Variants in KLHL1 observed in about 807,000 individuals in gnomAD.
KLHL1 encodes the protein kelch like family member 1, also known as kelch-like protein 1.
Under a neutral mutation model 77.7 loss-of-function variants are expected in KLHL1, and 47 were observed. That is an observed-to-expected ratio of 0.60 (90% CI 0.48 to 0.77). The LOEUF is 0.77. Ranked by LOEUF, KLHL1 falls within the 30% of genes least tolerant of loss-of-function variation. The probability of loss-of-function intolerance (pLI) is 0.00; values close to 1 mark genes in which losing one functional copy is unlikely to be tolerated. For missense variants in KLHL1, 925 were observed against 910.8 expected, an observed-to-expected ratio of 1.02 and a Z score of -0.20; for synonymous variants, 360 against 325.2, an observed-to-expected ratio of 1.11 and a Z score of -1.15.
At chr13:69,770,315 G>A (rs1160890998) in intron 7 of KLHL1, among the ~76,000 whole-genome samples, 2 of 152,220 alleles carry the variant, frequency 1.3e-5, no homozygotes, top group East Asian at 3.9e-4. Context: ...GCCCGAGTGG[G>A]CAGAGTGAGC....
chr13:69,832,811 C>T (rs1442589819), intron 6 of KLHL1, among the ~76,000 whole-genome samples: 2 of 152,104 alleles, frequency 1.3e-5, no homozygotes, highest in African/African-American at 4.8e-5. Flanking sequence ...CAAATAGTTA[C>T]AGCCAACTGA....
At chr13:69,883,360 A>G (rs1165891891) in intron 4 of KLHL1, among the ~76,000 whole-genome samples, 3 of 152,092 alleles carry the variant, frequency 2.0e-5, no homozygotes, top group Non-Finnish European at 4.4e-5. Flanking sequence ...TACTTACTCC[A>G]TTACTTAAAA....
intron 1 of KLHL1, among the ~76,000 whole-genome samples, chr13:70,003,978 A>T (rs1029849905): frequency 5.3e-5 from 8 of 151,864 alleles, no homozygotes; most frequent in Admixed American, 2.0e-4. Context: ...CTGAAGGTCA[A>T]TGTATATTTG....
At chr13:70,006,080 A>T (rs1040868072) in intron 1 of KLHL1, among the ~76,000 whole-genome samples, 9 of 152,048 alleles carry the variant, frequency 5.9e-5, no homozygotes, top group Non-Finnish European at 1.0e-4. Flanking sequence ...TGACTATTTT[A>T]GATTCATCAT....
chr13:69,998,342 AC>A (rs2137322184), intron 1 of KLHL1, among the ~76,000 whole-genome samples: 1 of 151,850 alleles, frequency 6.6e-6, no homozygotes, highest in South Asian at 2.1e-4. Context: ...ATTAGAGCTC[AC>A]ACAATGGGAG....
rs374153656 is a variant in KLHL1, at chr13:70,017,728, T to G, written c.498-41926A>C. 1.5e-4 allele frequency among the ~76,000 whole-genome samples: 23 copies of G among 152,152 alleles called. No individual in the cohort carries two copies. In the South Asian group the frequency reaches 4.8e-3, roughly 32 times the overall value. ...TATCACGAGCACAAAATCCTAATGT[T>G]AAAAAGCAAAGAAAGCAGAAGTCAA... On this transcript the variant is annotated intron_variant, in intron 1 of 10. Coordinates refer to ENST00000377844, the MANE Select transcript of KLHL1 (RefSeq NM_020866.3).
rs1016013742 is a variant in KLHL1 at position 69,731,113 on chromosome 13, A to C, written c.1802+9281T>G. Among the ~76,000 whole-genome samples, 12 of 152,180 alleles carry C rather than the reference A, an allele frequency of 7.9e-5. 1 individual carries two copies. Among genetic ancestry groups the C allele is most frequent in the African/African-American group, 2.9e-4 (12 of 41,446 alleles). On this transcript the variant is annotated intron_variant, in intron 8 of 10. Transcript: ENST00000377844. ...ATAAATGTATATATTTACATGTTACACAAATTGGTGTTAATAAAATGTGTG... is the reference window on the plus strand; with the variant it reads ...ATAAATGTATATATTTACATGTTACCCAAATTGGTGTTAATAAAATGTGTG...
At chr13:69,719,657 A>G in intron 8 of KLHL1, 76 bp from the exon 9 acceptor site, 1 of 1,136,054 alleles carries the variant, frequency 8.8e-7, no homozygotes, top group Non-Finnish European at 1.3e-6. Flanking sequence ...CCTTTAAAAT[A>G]AATTTTCACA....
chr13:69,745,645 T>G (rs1400328924), intron 7 of KLHL1, among the ~76,000 whole-genome samples: 1 of 151,880 alleles, frequency 6.6e-6, no homozygotes, highest in Non-Finnish European at 1.5e-5. Context: ...GGATTAAATA[T>G]AAAAATTAAA....
At chr13:69,845,158 A>C (rs1879410412) in intron 5 of KLHL1, among the ~76,000 whole-genome samples, 1 of 151,670 alleles carries the variant, frequency 6.6e-6, no homozygotes, top group Admixed American at 6.6e-5. Context: ...ACCCAGGCCA[A>C]GCTCTGGAAT....
intron 7 of KLHL1, among the ~76,000 whole-genome samples, chr13:69,774,347 A>AT (rs1875719979): frequency 1.3e-5 from 2 of 152,122 alleles, no homozygotes; most frequent in Admixed American, 1.3e-4. Context: ...ATTGTGATTG[A>AT]TTTTAACTTG....
At chr13:70,017,953 GAAACGTGA>G (rs1885699573) in intron 1 of KLHL1, among the ~76,000 whole-genome samples, 1 of 152,016 alleles carries the variant, frequency 6.6e-6, no homozygotes, top group Non-Finnish European at 1.5e-5. Flanking sequence ...AAAGGTTAAA[GAAACGTGA>G]AAATAAGCGC....
At chr13:69,720,302 A>G (rs537097402) in intron 8 of KLHL1, among the ~76,000 whole-genome samples, 2 of 152,262 alleles carry the variant, frequency 1.3e-5, no homozygotes, top group East Asian at 3.9e-4. Flanking sequence ...TAATCCTAAT[A>G]AAATAGTCCT....
chr13:69,804,951 A>G (rs953629074), intron 6 of KLHL1, among the ~76,000 whole-genome samples: 7 of 152,144 alleles, frequency 4.6e-5, no homozygotes, highest in African/African-American at 1.7e-4. Context: ...ACATCATTAT[A>G]AAGAATTACT....
chr13:69,870,032 T>C (rs1880520533), intron 5 of KLHL1, among the ~76,000 whole-genome samples: 1 of 152,170 alleles, frequency 6.6e-6, no homozygotes, highest in South Asian at 2.1e-4. Flanking sequence ...GTTTTAGACA[T>C]TATAAAAATG....
chr13:69,962,639 A>G (rs948530333), intron 2 of KLHL1, among the ~76,000 whole-genome samples: 14 of 152,014 alleles, frequency 9.2e-5, no homozygotes, highest in Admixed American at 2.0e-4. Context: ...CAATTTTTAT[A>G]TTTGTGTATT....
intron 1 of KLHL1, among the ~76,000 whole-genome samples, chr13:69,977,652 C>T (rs1246924939): frequency 6.6e-6 from 1 of 151,982 alleles, no homozygotes. Context: ...TGAAATTGGA[C>T]TTAAACACGT....
chr13:70,049,348 C>CT, intron 1 of KLHL1, among the ~76,000 whole-genome samples: 1 of 152,132 alleles, frequency 6.6e-6, no homozygotes, highest in Non-Finnish European at 1.5e-5. Flanking sequence ...TACATTTGTC[C>CT]TTTTAAAATT....
intron 7 of KLHL1, among the ~76,000 whole-genome samples, chr13:69,785,147 C>T (rs528872213): frequency 6.6e-6 from 1 of 151,958 alleles, no homozygotes. Context: ...CCGCCTTGGC[C>T]TCCCAAAGTG....
Sources: gnomAD v4.1 joint callset for allele counts (sites outside exome capture counted in the v4.1 genomes callset) on GRCh38, gnomAD v4.1.1 for gene constraint, MANE v1.5 for transcripts, NCBI Gene and HGNC (gene_info 2026-07-23, HGNC 2026-07-21) for gene names.